Variants in SYMPK observed in about 807,000 individuals in gnomAD.
SYMPK encodes symplekin.
Under a neutral mutation model 136.4 loss-of-function variants are expected in SYMPK, and 49 were observed. That is an observed-to-expected ratio of 0.36 (90% CI 0.29 to 0.46). SYMPK has a LOEUF of 0.46. Among genes scored for constraint, SYMPK ranks in the 20% least tolerant of loss-of-function variants. The pLI, the probability that SYMPK is intolerant of heterozygous loss-of-function variation, is 1.00. For synonymous variants in SYMPK, 766 were observed against 713.0 expected, an observed-to-expected ratio of 1.07 and a Z score of -1.19; for missense variants, 1,365 against 1,690.0, an observed-to-expected ratio of 0.81 and a Z score of 3.37.
intron 18 of SYMPK, among the ~76,000 whole-genome samples, chr19:45,824,382 G>A (rs1044133457): frequency 5.9e-5 from 9 of 152,150 alleles, no homozygotes; most frequent in Non-Finnish European, 1.3e-4. Flanking sequence ...GACTGTCTCT[G>A]CCCTCGAGAA....
chr19:45,844,209 C>T lies in SYMPK; in HGVS notation c.677-9G>A. The T allele has an allele frequency of 6.4e-7, 1 of 1,570,392 alleles. No homozygotes were observed. The highest frequency in any genetic ancestry group is 1.4e-5 in the African/African-American group (1 of 73,286). ...CTCTTCCCATAGCACGTCTAAGAGA[C>T]AGAGAGGAGAACCAGTCAGTGGGAT... is the stretch of plus-strand genomic sequence containing the variant. On this transcript the variant is annotated splice_polypyrimidine_tract_variant and intron_variant, in intron 7 of 26. Coordinates refer to ENST00000245934, the MANE Select transcript of SYMPK (RefSeq NM_004819.3).
chr19:45,816,645 G>A (rs759944947), intron 24 of SYMPK, 68 bp from the exon 25 acceptor site: 1 of 1,598,936 alleles, frequency 6.3e-7, no homozygotes, highest in Non-Finnish European at 8.5e-7. Context: ...GCACACCTCA[G>A]GTCCGGGGGC....
intron 12 of SYMPK, 134 bp from the exon 13 acceptor site, chr19:45,830,338 C>A: frequency 9.6e-7 from 1 of 1,043,516 alleles, no homozygotes; most frequent in Non-Finnish European, 1.4e-6. Flanking sequence ...TCCAGTTCCT[C>A]TGTGTCTCTG....
intron 10 of SYMPK, among the ~76,000 whole-genome samples, chr19:45,836,736 T>G (rs1971310454): frequency 6.6e-6 from 1 of 152,156 alleles, no homozygotes; most frequent in African/African-American, 2.4e-5. Flanking sequence ...ATTCCTGGGC[T>G]TAAGCAATCC....
At chr19:45,854,846 A>T in intron 1 of SYMPK, 1 of 307,568 alleles carries the variant, frequency 3.3e-6, no homozygotes, top group Non-Finnish European at 6.3e-6. Flanking sequence ...TCCATCTGGG[A>T]TATGCTTTGG....
chr19:45,854,179 T>C lies in SYMPK; in HGVS notation c.167A>G (p.Lys56Arg). 1 of 1,614,098 alleles carries C rather than the reference T, an allele frequency of 6.2e-7. No homozygotes were observed. The highest frequency in any genetic ancestry group is 8.5e-7 in the Non-Finnish European group (1 of 1,179,982). Reference sequence around the variant, plus strand: ...GGATGCCCCCCGGGCCCTCACCTGTTTGAGCACTGTGATCTTTGAGTCATT... The same window carrying C: ...GGATGCCCCCCGGGCCCTCACCTGTCTGAGCACTGTGATCTTTGAGTCATT... Reference protein sequence around the residue: ...ITNDSKITVLKQVQELIINKD... With the variant: ...ITNDSKITVLRQVQELIINKD... The change falls in exon 3 of 27, where the codon AAA (lysine) becomes AGA (arginine). Residue 56 changes from lysine (K) to arginine (R), a missense_variant. By Grantham distance (26) the Lys-to-Arg change is conservative. Around this residue, in one of 11 missense-constraint regions of SYMPK, gnomAD observed 61 missense variants for 80.7 expected, o/e 0.76. Coordinates refer to ENST00000245934, the MANE Select transcript of SYMPK (RefSeq NM_004819.3).
chr19:45,823,523 G>T (rs1970960024), intron 19 of SYMPK, 51 bp from the exon 20 acceptor site: 1 of 1,550,698 alleles, frequency 6.4e-7, no homozygotes. Flanking sequence ...GGGAGCGTGG[G>T]AAAGGGTGGG....
At chr19:45,855,221 C>T (rs563965417) in intron 1 of SYMPK, 1 of 152,466 alleles carries the variant, frequency 6.6e-6, no homozygotes, top group Admixed American at 6.5e-5. Flanking sequence ...ATATCAGGCA[C>T]AGAGTCCGGC....
intron 20 of SYMPK, among the ~76,000 whole-genome samples, chr19:45,823,097 A>T (rs1311295980): frequency 6.6e-6 from 1 of 152,178 alleles, no homozygotes; most frequent in East Asian, 1.9e-4. Flanking sequence ...GAGAAAAGCG[A>T]GTCTCAAAGA....
rs1970729626 is a variant in SYMPK, at chr19:45,816,143, G to A, written c.3395C>T (p.Pro1132Leu). The A allele has an allele frequency of 2.6e-6, 4 of 1,548,754 alleles. No homozygotes were observed. The African/African-American group carries it at 4.1e-5, about 16-fold the overall frequency. ...GCCGATGAGGTCCTGAGGGGGCCGG[G>A]GTGCTGGGGCCGGGGCCAAGGTCAG... is the stretch of plus-strand genomic sequence containing the variant. ...EPLTLAPAPA[P>L]RPPQDLIGLR... Residue 1132 changes from proline to leucine, a missense_variant, in exon 26 of 27, where the codon CCC becomes CTC. Transcript: ENST00000245934.
chr19:45,839,626 C>T (rs969162381), intron 9 of SYMPK, among the ~76,000 whole-genome samples: 4 of 152,000 alleles, frequency 2.6e-5, no homozygotes, highest in African/African-American at 9.6e-5. Flanking sequence ...GTCAGGAGAT[C>T]GAGACCATAC....
At chr19:45,823,922 G>A in intron 18 of SYMPK, 47 bp from the exon 19 acceptor site, 3 of 1,527,024 alleles carry the variant, frequency 2.0e-6, no homozygotes, top group South Asian at 2.3e-5. Flanking sequence ...AGAGCTTAGG[G>A]GAGGGTCAGG....
At chr19:45,841,562 G>A (rs1971437429) in intron 9 of SYMPK, among the ~76,000 whole-genome samples, 1 of 152,026 alleles carries the variant, frequency 6.6e-6, no homozygotes, top group Non-Finnish European at 1.5e-5. Context: ...CAAAGTGCTG[G>A]GATTACAGGC....
chr19:45,832,365 C>G (rs372056689), intron 11 of SYMPK, among the ~76,000 whole-genome samples: 1 of 152,038 alleles, frequency 6.6e-6, no homozygotes, highest in Non-Finnish European at 1.5e-5. Context: ...TGGTCTTGAA[C>G]TGCTGACCTC....
intron 7 of SYMPK, among the ~76,000 whole-genome samples, chr19:45,846,806 T>C (rs1419976169): frequency 1.4e-5 from 2 of 146,562 alleles, no homozygotes; most frequent in South Asian, 2.2e-4. Flanking sequence ...AGTACTTTTT[T>C]TTTTTTTGAG....
rs553753989 is a variant in SYMPK at position 45,860,406 on chromosome 19, C to A, written c.-13+2652G>T. Among the ~76,000 whole-genome samples, 251 of 150,878 alleles carry A rather than the reference C, an allele frequency of 1.7e-3. 1 individual carries two copies. Among genetic ancestry groups the A allele is most frequent in the Middle Eastern group, 3.4e-3 (1 of 292 alleles). ...TTGGGAGGAGGAGGTTGCAGTGAGC[C>A]GAGGTCACATCATTGCACTCCAGCG... On this transcript the variant is annotated intron_variant, in intron 1 of 26. Transcript: ENST00000245934.
At chr19:45,836,699 C>T (rs1311269657) in intron 10 of SYMPK, among the ~76,000 whole-genome samples, 6 of 152,050 alleles carry the variant, frequency 3.9e-5, no homozygotes, top group Admixed American at 6.5e-5. Flanking sequence ...AGTGCAGTGG[C>T]GCCATCAGAG....
Position 45,847,790 on chromosome 19 carries a change from A to G in SYMPK, c.638T>C (p.Leu213Pro). 6.2e-7 allele frequency: 1 copy of G among 1,614,106 alleles called. No individual in the cohort carries two copies. The stretch of plus-strand genomic sequence containing the variant: ...GGGGTGGTCACGAGGGATGCGGTCC[A>G]GGCTGATATCATGCTCCTGGCGTCG... ...IPRRQEHDIS[L>P]DRIPRDHPYI... Residue 213 changes from leucine (L) to proline (P), a missense_variant, in exon 7 of 27, where the codon CTG becomes CCG. Transcript: ENST00000245934.
At chr19:45,836,373 G>T (rs148523431) in intron 10 of SYMPK, among the ~76,000 whole-genome samples, 2,553 of 152,214 alleles carry the variant, frequency 0.017, 74 homozygotes, top group African/African-American at 0.058. Flanking sequence ...GCTCATGCCT[G>T]TAATCATAGC....
Sources: gnomAD v4.1 joint callset for allele counts (sites outside exome capture counted in the v4.1 genomes callset) on GRCh38, gnomAD v4.1.1 for gene constraint, gnomAD v4.1.1 regional missense constraint, MANE v1.5 for transcripts, NCBI Gene and HGNC (gene_info 2026-07-23, HGNC 2026-07-21) for gene names.